Variants in LRBA observed in about 807,000 individuals in gnomAD.
The protein encoded by LRBA is lipopolysaccharide-responsive and beige-like anchor protein.
Under a neutral mutation model 330.0 loss-of-function variants are expected in LRBA, and 176 were observed. The ratio of observed to expected loss-of-function variants is 0.53; its 90% confidence interval spans 0.47 to 0.60. The LOEUF (loss-of-function observed/expected upper bound fraction) is 0.60, where lower values mean the gene tolerates loss of function less well. LRBA is among the 20% of genes least tolerant of loss of function. The pLI is 0.00. For synonymous variants in LRBA, 1,230 were observed against 1,193.0 expected (o/e 1.03, Z -0.64); for missense variants, 3,259 against 3,444.8 (o/e 0.95, Z 1.35).
chr4:150,824,964 C>T (rs1365168671), intron 30 of LRBA, among the ~76,000 whole-genome samples: 1 of 151,648 alleles, frequency 6.6e-6, no homozygotes, highest in Non-Finnish European at 1.5e-5. Flanking sequence ...AAAATCTCAC[C>T]GTGTTGCCCA....
intron 40 of LRBA, among the ~76,000 whole-genome samples, chr4:150,516,217 C>CTTTTTTTTTTTTTTTTTT (rs869205771): frequency 1.4e-4 from 4 of 29,410 alleles, no homozygotes; most frequent in East Asian, 8.7e-4. Context: ...TTTCTATTCT[C>CTTTTTTTTTTTTTTTTTT]TTTTTTTTTT....
intron 40 of LRBA, among the ~76,000 whole-genome samples, chr4:150,502,320 T>A (rs149098714): frequency 6.6e-6 from 1 of 152,290 alleles, no homozygotes; most frequent in East Asian, 1.9e-4. Flanking sequence ...TCCCTAAAAA[T>A]CTTAAAACCA....
At chr4:150,563,982 G>A (rs897522680) in intron 40 of LRBA, among the ~76,000 whole-genome samples, 4 of 152,112 alleles carry the variant, frequency 2.6e-5, no homozygotes, top group African/African-American at 4.8e-5. Flanking sequence ...TAGATTCAAT[G>A]CCATCCCCAT....
intron 46 of LRBA, among the ~76,000 whole-genome samples, chr4:150,419,583 T>C (rs1431386728): frequency 6.6e-6 from 1 of 151,394 alleles, no homozygotes; most frequent in Non-Finnish European, 1.5e-5. Context: ...TATAATTTTA[T>C]ACCTATGTCA....
chr4:150,355,798 C>G (rs760355022), intron 47 of LRBA, among the ~76,000 whole-genome samples: 7 of 152,004 alleles, frequency 4.6e-5, no homozygotes, highest in Non-Finnish European at 1.0e-4. Context: ...AATTAAGAGT[C>G]TTAATTCATT....
chr4:150,754,652 G>A (rs1052053283), intron 35 of LRBA, among the ~76,000 whole-genome samples: 1 of 151,700 alleles, frequency 6.6e-6, no homozygotes, highest in Non-Finnish European at 1.5e-5. Flanking sequence ...TAATTAAGCA[G>A]AGCACAGTAA....
intron 37 of LRBA, among the ~76,000 whole-genome samples, chr4:150,639,862 TATATATATATTTAGATG>T (rs1778492637): frequency 5.9e-5 from 5 of 85,450 alleles, no homozygotes; most frequent in Non-Finnish European, 9.1e-5. Context: ...TATATATATA[TATATATATATTTAGATG>T]GAGTTTCGCT....
chr4:150,448,709 G>A (rs1752922766), intron 44 of LRBA, among the ~76,000 whole-genome samples: 1 of 149,334 alleles, frequency 6.7e-6, no homozygotes, highest in South Asian at 2.1e-4. Context: ...GGCTGAGGCA[G>A]GAGAATTGCT....
chr4:150,425,058 A>G (rs1199221260), intron 46 of LRBA, among the ~76,000 whole-genome samples: 1 of 152,256 alleles, frequency 6.6e-6, no homozygotes, highest in Non-Finnish European at 1.5e-5. Context: ...GTTATACAGT[A>G]GAATTCCATT....
intron 2 of LRBA, among the ~76,000 whole-genome samples, chr4:150,987,325 CTA>C (rs1161436906): frequency 6.6e-6 from 1 of 152,152 alleles, no homozygotes; most frequent in African/African-American, 2.4e-5. Context: ...AGAAATTGTG[CTA>C]ATGCCTTAAA....
chr4:150,503,181 T>G (rs1265651193), intron 40 of LRBA, among the ~76,000 whole-genome samples: 1 of 152,228 alleles, frequency 6.6e-6, no homozygotes, highest in East Asian at 1.9e-4. Context: ...TAAATGTCCC[T>G]GTCTGACAGC....
chr4:150,745,527 T>A lies in LRBA; in HGVS notation c.5646-10161A>T, dbSNP rs145594615. Reference sequence around the variant, plus strand: ...ACCTTTGTTTTTTGTTTTTTGTTTTTGTTTTGGAGATGGAGTCTTACTCTG... The same window carrying A: ...ACCTTTGTTTTTTGTTTTTTGTTTTAGTTTTGGAGATGGAGTCTTACTCTG... On this transcript the variant is annotated intron_variant, in intron 35 of 56. Coordinates refer to ENST00000651943, the MANE Select transcript of LRBA (RefSeq NM_001364905.1). Among the ~76,000 whole-genome samples, 428 of 152,308 alleles carry A rather than the reference T, an allele frequency of 2.8e-3. 3 individuals carry two copies. The highest frequency in any genetic ancestry group is 9.9e-3 in the African/African-American group (412 of 41,576).
intron 40 of LRBA, among the ~76,000 whole-genome samples, chr4:150,562,630 G>T (rs1277056569): frequency 2.6e-5 from 4 of 151,960 alleles, no homozygotes; most frequent in African/African-American, 4.8e-5. Context: ...AGTAACAGAA[G>T]AAATAATACA....
At chr4:150,693,178 TA>T (rs1416913212) in intron 36 of LRBA, among the ~76,000 whole-genome samples, 87 of 152,234 alleles carry the variant, frequency 5.7e-4, no homozygotes, top group African/African-American at 2.1e-3. Context: ...TTGAAAAATG[TA>T]AGAAAATAAT....
intron 46 of LRBA, chr4:150,422,607 C>T: frequency 5.3e-6 from 3 of 569,940 alleles, no homozygotes; most frequent in African/African-American, 1.9e-5. Context: ...ATCAGGTTCC[C>T]CAAGGGACAA....
chr4:150,551,331 CATATAA>C (rs1362093978), intron 40 of LRBA, among the ~76,000 whole-genome samples: 3 of 152,142 alleles, frequency 2.0e-5, no homozygotes, highest in Non-Finnish European at 4.4e-5. Context: ...TGTAAATTAG[CATATAA>C]ATATATCAAC....
chr4:150,464,254 G>A (rs889493482), intron 44 of LRBA, among the ~76,000 whole-genome samples: 4 of 151,978 alleles, frequency 2.6e-5, no homozygotes, highest in African/African-American at 4.8e-5. Flanking sequence ...CCTAGAACAC[G>A]TATTCATATA....
intron 37 of LRBA, among the ~76,000 whole-genome samples, chr4:150,639,773 A>ATGTGTGTG (rs1378159535): frequency 1.6e-4 from 1 of 6,074 alleles, no homozygotes; most frequent in African/African-American, 5.1e-4. Context: ...ATATATATAT[A>ATGTGTGTG]TATATATATG....
rs1262655894 is a variant in LRBA, at chr4:150,264,675, A to AATTT, written c.*1043_*1046dup. ...AGATCAAAGTTCACAACATACAAAG[A>AATTT]ATTTATTTATGCAATACAGGCCTTT... On this transcript the variant is annotated 3_prime_UTR_variant, in exon 57 of 57. Coordinates refer to ENST00000651943, the MANE Select transcript of LRBA (RefSeq NM_001364905.1). 1 of 152,668 alleles carries AATTT rather than the reference A, an allele frequency of 6.6e-6. No individual in the cohort carries two copies. Among genetic ancestry groups the AATTT allele is most frequent in the East Asian group, 1.9e-4 (1 of 5,204 alleles). The allele number at this position is 152,668 out of a possible 1,614,324, so 9.5% of individuals were successfully genotyped here.
Sources: allele counts gnomAD v4.1 joint callset (sites outside exome capture counted in the v4.1 genomes callset), GRCh38; gene constraint gnomAD v4.1.1; transcripts MANE v1.5; gene names NCBI Gene and HGNC (gene_info 2026-07-23, HGNC 2026-07-21).